The following ZMIZ2 variants were observed in gnomAD, a reference collection of about 807,000 sequenced individuals.
ZMIZ2 encodes the protein zinc finger MIZ-type containing 2.
In ZMIZ2, 26 loss-of-function variants were observed where a neutral mutation model predicts 93.9. The ratio of observed to expected loss-of-function variants is 0.28; its 90% CI spans 0.20 to 0.38. The LOEUF (loss-of-function observed/expected upper bound fraction) is 0.38, where lower values mean the gene tolerates loss of function less well. Among genes scored for constraint, ZMIZ2 ranks in the 10% least tolerant of loss-of-function variants. ZMIZ2 has a pLI of 1.00. For missense variants in ZMIZ2, 1,023 were observed against 1,235.0 expected, an observed-to-expected ratio of 0.83 and a Z score of 2.57; for synonymous variants, 485 against 516.4, an observed-to-expected ratio of 0.94 and a Z score of 0.82.
intron 1 of ZMIZ2, among the ~76,000 whole-genome samples, chr7:44,752,647 G>A (rs1790254948): frequency 6.6e-6 from 1 of 152,124 alleles, no homozygotes; most frequent in South Asian, 2.1e-4. Context: ...TTTCCACCGA[G>A]CATTAATTCT....
chr7:44,750,603 G>A (rs1790054950), intron 1 of ZMIZ2, among the ~76,000 whole-genome samples: 1 of 152,172 alleles, frequency 6.6e-6, no homozygotes, highest in South Asian at 2.1e-4. Flanking sequence ...CAGGCAGAGA[G>A]GTGGCATGGA....
rs1287061759 is a variant in ZMIZ2 at position 44,761,940 on chromosome 7, C to T, written c.1596+35C>T. On this transcript the variant is annotated intron_variant, in intron 11 of 18. Transcript: ENST00000309315. The surrounding 1 kb of genome is among the most constrained non-coding windows in gnomAD (Gnocchi z 5.8). Reference sequence around the variant, plus strand: ...CTGCGCCGAGGGGGCGGTGCTGTGGCGTGGGGCGGGGTGTGGTGGGGCCTG... The same window carrying T: ...CTGCGCCGAGGGGGCGGTGCTGTGGTGTGGGGCGGGGTGTGGTGGGGCCTG... 8.5e-6 allele frequency: 11 copies of T among 1,287,924 alleles called. No homozygotes were observed. Among genetic ancestry groups the T allele is most frequent in the South Asian group, 1.3e-5 (1 of 78,048 alleles). The allele number at this position is 1,287,924 out of a possible 1,614,324, so 79.8% of individuals were successfully genotyped here. A position where few individuals can be genotyped will look rare whatever the true frequency, so the allele number is the denominator to read the frequency against.
In ZMIZ2 at chr7:44,766,762, C is replaced by G; in HGVS notation, c.2655+99C>G. 1 of 1,542,388 alleles carries G rather than the reference C, an allele frequency of 6.5e-7. No individual in the cohort carries two copies. The highest frequency in any genetic ancestry group is 2.3e-5 in the East Asian group (1 of 44,044). On this transcript the variant is annotated intron_variant, in intron 18 of 18. Transcript: ENST00000309315. The surrounding 1 kb of genome is among the most constrained non-coding windows in gnomAD (Gnocchi z 4.4). The stretch of plus-strand genomic sequence containing the variant: ...TCTGGAAGGGAAGACAGTGACCCCT[C>G]AGAGAGCCGGTCAGATAAGGTCAAC...
At position 44,761,752 on chromosome 7, in the gene ZMIZ2, C is replaced by A; in HGVS notation, c.1443C>A (p.Thr481=). The A allele has an allele frequency of 2.5e-6, 4 of 1,614,106 alleles. No individual in the cohort carries two copies. Among genetic ancestry groups the A allele is most frequent in the Non-Finnish European group, 3.4e-6 (4 of 1,180,024 alleles). Residue 481 remains threonine, a synonymous_variant, in exon 11 of 19, where the codon ACC becomes ACA. Coordinates refer to ENST00000309315, the MANE Select transcript of ZMIZ2 (RefSeq NM_031449.4). The surrounding 1 kb of genome is among the most constrained non-coding windows in gnomAD (Gnocchi z 5.8). The stretch of plus-strand genomic sequence containing the variant: ...ACCACGAGGACCGGCAGATGAACAC[C>A]AACTGGCCAGCCTCGGTGCAGGTCA... The part of the protein sequence containing the change: ...CYHHEDRQMN[T]NWPASVQVSV...
Position 44,765,486 on chromosome 7 carries a change from A to T in ZMIZ2, c.2149A>T (p.Met717Leu), listed in dbSNP as rs1791613495. 3 of 1,601,512 alleles carry T rather than the reference A, an allele frequency of 1.9e-6. No homozygotes were observed. The highest frequency in any genetic ancestry group is 2.7e-5 in the African/African-American group (2 of 74,912). ...CGCCCACGTGCTCATGCCCAGCGTG[A>T]TGGAGATGATCGCCGCCCTGGGCCC... ...SPAHVLMPSV[M>L]EMIAALGPGA... Residue 717 changes from methionine (M) to leucine (L), a missense_variant, in exon 16 of 19, where the codon ATG becomes TTG. By Grantham distance (15) the Met-to-Leu change is conservative. This residue lies in a region of ZMIZ2 where 319 missense variants were observed against 358.8 expected (regional missense o/e 0.89). Coordinates refer to ENST00000309315, the MANE Select transcript of ZMIZ2 (RefSeq NM_031449.4). The surrounding 1 kb of genome is among the most constrained non-coding windows in gnomAD (Gnocchi z 4.1).
At chr7:44,760,678 G>A (rs758778093) in intron 9 of ZMIZ2, 85 bp downstream of exon 9, 15 of 1,505,932 alleles carry the variant, frequency 1.0e-5, no homozygotes, top group Non-Finnish European at 1.4e-5. Flanking sequence ...AGTCCTGTAG[G>A]AGCTTGGGGG....
intron 1 of ZMIZ2, 57 bp downstream of exon 1, chr7:44,749,048 CGGCGGGGGCA>C: frequency 6.6e-6 from 1 of 152,216 alleles, no homozygotes; most frequent in Non-Finnish European, 1.5e-5. Flanking sequence ...AGGTGTGGGC[CGGCGGGGGCA>C]GGCAGGTGCG....
chr7:44,765,040 C>G lies in ZMIZ2; in HGVS notation c.1997+31C>G. 6.2e-7 allele frequency: 1 copy of G among 1,612,480 alleles called. No individual in the cohort carries two copies. The highest frequency in any genetic ancestry group is 8.5e-7 in the Non-Finnish European group (1 of 1,178,546). On this transcript the variant is annotated intron_variant, in intron 15 of 18. Transcript: ENST00000309315. The surrounding 1 kb of genome is among the most constrained non-coding windows in gnomAD (Gnocchi z 4.1). The stretch of plus-strand genomic sequence containing the variant: ...CATCCTCTTCCTGTGATCCCTGCAT[C>G]TGTGGCCACTGGAGGGCAGCCCCAG...
At chr7:44,749,494 C>G (rs1789945776) in intron 1 of ZMIZ2, among the ~76,000 whole-genome samples, 1 of 152,210 alleles carries the variant, frequency 6.6e-6, no homozygotes, top group Non-Finnish European at 1.5e-5. Context: ...GGAGCTGTTC[C>G]GCTCCTGGGC....
At chr7:44,748,765 C>T (rs1311321786), upstream of ZMIZ2, 1 of 151,496 alleles carries the variant, frequency 6.6e-6, no homozygotes, top group African/African-American at 2.4e-5. Context: ...AGCGCCGGCT[C>T]GGGGCTCTGC....
chr7:44,762,012 C>A, intron 11 of ZMIZ2, 107 bp downstream of exon 11: 1 of 1,310,182 alleles, frequency 7.6e-7, no homozygotes, highest in Non-Finnish European at 1.0e-6. Flanking sequence ...GGGGCCTGGC[C>A]CAGCGGCGCA....
intron 7 of ZMIZ2, chr7:44,759,721 G>C (rs978149016): frequency 4.2e-6 from 2 of 473,550 alleles, no homozygotes; most frequent in Admixed American, 7.8e-5. Flanking sequence ...ATATATCTCA[G>C]GGGTATCCTG....
chr7:44,758,161 A>G (rs1790784232), intron 6 of ZMIZ2, 53 bp downstream of exon 6: 1 of 1,492,126 alleles, frequency 6.7e-7, no homozygotes, highest in Non-Finnish European at 8.9e-7. Context: ...TCCCTCACCC[A>G]GGCACTCTTT....
intron 13 of ZMIZ2, 100 bp from the exon 14 acceptor site, chr7:44,764,319 G>A (rs1791483112): frequency 8.9e-7 from 1 of 1,125,686 alleles, no homozygotes; most frequent in Non-Finnish European, 1.3e-6. Flanking sequence ...AGTTATGCAT[G>A]TAAATAAGTC....
chr7:44,756,878 C>T, intron 3 of ZMIZ2, 69 bp from the exon 4 acceptor site: 1 of 1,586,780 alleles, frequency 6.3e-7, no homozygotes, highest in Admixed American at 1.8e-5. Context: ...TGGTTTCTAG[C>T]ACTTTGGAGC....
At position 44,757,181 on chromosome 7, in the gene ZMIZ2, T is replaced by G. The variant is rs754920872; in HGVS notation, c.368+32T>G. ...AAGTTCCCTCACCTGGCAGGTATGC[T>G]AGGAGCCATCAATCTGGCAGGCACC... On this transcript the variant is annotated intron_variant, in intron 4 of 18. Transcript: ENST00000309315. 3 of 1,570,762 alleles carry G rather than the reference T, an allele frequency of 1.9e-6. No individual in the cohort carries two copies. The South Asian group carries it at 3.4e-5, about 18-fold the overall frequency.
rs143324159 is a variant in ZMIZ2, at chr7:44,755,117, C to T, written c.-62-1071C>T. Among the ~76,000 whole-genome samples, 63 of 152,280 alleles carry T rather than the reference C, an allele frequency of 4.1e-4. 3 individuals carry two copies. In the East Asian group the frequency reaches 9.6e-3, roughly 23 times the overall value. On this transcript the variant is annotated intron_variant, in intron 1 of 18. Transcript: ENST00000309315. ...TACTAAATGGGGAGAGCAAACTTAG[C>T]GTGGCACATGTAAGTCCCATGGTGC...
chr7:44,762,240 A>C (rs1411401933), intron 11 of ZMIZ2, among the ~76,000 whole-genome samples: 1 of 152,240 alleles, frequency 6.6e-6, no homozygotes, highest in African/African-American at 2.4e-5. Flanking sequence ...CCCTTTAAGA[A>C]AGCGATCCAG....
Position 44,763,474 on chromosome 7 carries a change from A to G in ZMIZ2, c.1860+61A>G. The G allele has an allele frequency of 5.0e-6, 8 of 1,595,652 alleles. No homozygotes were observed. Among genetic ancestry groups the G allele is most frequent in the African/African-American group, 2.7e-5 (2 of 74,828 alleles). On this transcript the variant is annotated intron_variant, in intron 13 of 18. Transcript: ENST00000309315. This position sits in a 1 kb window ranked among gnomAD's most constrained non-coding sequence, Gnocchi z 5.6. ...TGCTGCTAAAATATCTTGAGTCGAT[A>G]CATCAGTGTCATTCTCTGGACAGAC...
Sources: allele counts gnomAD v4.1 joint callset (sites outside exome capture counted in the v4.1 genomes callset), GRCh38; gene constraint gnomAD v4.1.1; regional missense constraint gnomAD v4.1.1; non-coding constraint Gnocchi (gnomAD v3.1); transcripts MANE v1.5; gene names NCBI Gene and HGNC (gene_info 2026-07-23, HGNC 2026-07-21).